Variants in SLC7A2 observed in about 807,000 individuals in gnomAD.
The protein encoded by SLC7A2 is solute carrier family 7 member 2, also known as cationic amino acid transporter 2.
Under a neutral mutation model 58.9 loss-of-function variants are expected in SLC7A2, and 48 were observed. The observed-to-expected ratio is 0.82, with a 90% CI of 0.65 to 1.04. The LOEUF (loss-of-function observed/expected upper bound fraction) is 1.04, where lower values mean the gene tolerates loss of function less well. SLC7A2 is among the 50% of genes least tolerant of loss of function. The pLI is 0.00. For synonymous variants in SLC7A2, 363 were observed against 314.5 expected (o/e 1.15, Z -1.63); for missense variants, 1,029 against 818.8 (o/e 1.26, Z -3.13).
chr8:17,509,680 C>T lies in SLC7A2; in HGVS notation c.-23+7378C>T, dbSNP rs373480776. The stretch of plus-strand genomic sequence containing the variant: ...CATTTTTATTTTTATTTTTTCGCCT[C>T]CAACAAAGTGATGTATGCAGAACAA... On this transcript the variant is annotated intron_variant, in intron 2 of 12. Coordinates refer to ENST00000494857, the MANE Select transcript of SLC7A2 (RefSeq NM_001370338.1). Among the ~76,000 whole-genome samples the T allele has an allele frequency of 2.6e-5, 4 of 152,036 alleles. No individual in the cohort carries two copies. In the East Asian group the frequency reaches 5.8e-4, roughly 22 times the overall value.
At position 17,503,060 on chromosome 8, in the gene SLC7A2, A is replaced by T. The variant is rs545463278; in HGVS notation, c.-23+758A>T. Among the ~76,000 whole-genome samples the T allele has an allele frequency of 1.2e-3, 184 of 151,408 alleles. 1 individual carries two copies. The highest frequency in any genetic ancestry group is 3.8e-3 in the African/African-American group (157 of 41,298). Reference sequence around the variant, plus strand: ...TCTCTATTTCTATTTATTTTATTTTATTTTTTTTGAGACAGAGTCTCACTC... The same window carrying T: ...TCTCTATTTCTATTTATTTTATTTTTTTTTTTTTGAGACAGAGTCTCACTC... On this transcript the variant is annotated intron_variant, in intron 2 of 12. Transcript: ENST00000494857.
intron 2 of SLC7A2, among the ~76,000 whole-genome samples, chr8:17,539,277 A>G (rs1458328956): frequency 1.3e-5 from 2 of 152,100 alleles, no homozygotes; most frequent in African/African-American, 4.8e-5. Flanking sequence ...ATTAATAGGG[A>G]CTTATCAAGG....
At chr8:17,537,512 C>T (rs1801723008) in intron 2 of SLC7A2, among the ~76,000 whole-genome samples, 1 of 152,168 alleles carries the variant, frequency 6.6e-6, no homozygotes, top group Admixed American at 6.5e-5. Context: ...CAGCCTTTGA[C>T]TGTTTAACCC....
At chr8:17,539,935 G>A (rs1467145873) in intron 2 of SLC7A2, among the ~76,000 whole-genome samples, 1 of 152,068 alleles carries the variant, frequency 6.6e-6, no homozygotes, top group African/African-American at 2.4e-5. Flanking sequence ...CATATGGGGA[G>A]CTTATCTTTT....
At chr8:17,538,589 A>G (rs1801772632) in intron 2 of SLC7A2, among the ~76,000 whole-genome samples, 1 of 152,244 alleles carries the variant, frequency 6.6e-6, no homozygotes, top group East Asian at 1.9e-4. Context: ...CCATGGTATC[A>G]TGGCTATATC....
chr8:17,554,335 T>C (rs1215706487), intron 7 of SLC7A2, among the ~76,000 whole-genome samples: 2 of 152,188 alleles, frequency 1.3e-5, no homozygotes, highest in Non-Finnish European at 2.9e-5. Context: ...TGCTGCGTAC[T>C]TATCTGTAAC....
At chr8:17,554,855 A>G (rs2150763871) in intron 8 of SLC7A2, 156 bp downstream of exon 8, 1 of 1,490,852 alleles carries the variant, frequency 6.7e-7, no homozygotes. Flanking sequence ...TTGGTTCTGC[A>G]TTTTCGTGTG....
intron 2 of SLC7A2, among the ~76,000 whole-genome samples, chr8:17,537,363 GCTT>G (rs1272096392): frequency 6.6e-6 from 1 of 152,136 alleles, no homozygotes; most frequent in Non-Finnish European, 1.5e-5. Flanking sequence ...ACCCTGTGTG[GCTT>G]CTACTGCCAG....
chr8:17,553,513 G>A (rs945020059), intron 7 of SLC7A2, among the ~76,000 whole-genome samples: 1 of 152,200 alleles, frequency 6.6e-6, no homozygotes, highest in African/African-American at 2.4e-5. Context: ...GTTCACTCTT[G>A]TAGTCCCAGC....
chr8:17,530,005 A>G (rs921625433), intron 2 of SLC7A2, among the ~76,000 whole-genome samples: 4 of 152,034 alleles, frequency 2.6e-5, no homozygotes, highest in Admixed American at 6.6e-5. Flanking sequence ...AGGAGACCCC[A>G]TTTGCATTCA....
intron 2 of SLC7A2, among the ~76,000 whole-genome samples, chr8:17,533,126 C>G (rs1234952950): frequency 1.3e-5 from 2 of 152,136 alleles, no homozygotes; most frequent in African/African-American, 4.8e-5. Context: ...ATTGCTTTCT[C>G]TGAGCACACA....
chr8:17,550,190 T>C, intron 5 of SLC7A2, 111 bp from the exon 6 acceptor site: 1 of 984,680 alleles, frequency 1.0e-6, no homozygotes. Flanking sequence ...TATATCATCT[T>C]CAAAGAGCTA....
intron 2 of SLC7A2, among the ~76,000 whole-genome samples, chr8:17,539,482 C>A (rs980206662): frequency 6.6e-6 from 1 of 152,120 alleles, no homozygotes; most frequent in African/African-American, 2.4e-5. Flanking sequence ...ACATATTTAT[C>A]TTCCTCAAGA....
At chr8:17,527,532 G>A (rs1446850428) in intron 2 of SLC7A2, among the ~76,000 whole-genome samples, 2 of 152,164 alleles carry the variant, frequency 1.3e-5, no homozygotes, top group Non-Finnish European at 1.5e-5. Flanking sequence ...TTACAGTTCT[G>A]GAAACTTGAA....
At chr8:17,499,934 C>CT (rs1360293103) in intron 1 of SLC7A2, 1 of 152,104 alleles carries the variant, frequency 6.6e-6, no homozygotes, top group Non-Finnish European at 1.5e-5. Context: ...ATAACACATG[C>CT]TTATATGTCT....
intron 2 of SLC7A2, among the ~76,000 whole-genome samples, chr8:17,536,290 T>C (rs1412421155): frequency 1.3e-5 from 2 of 151,942 alleles, no homozygotes; most frequent in Admixed American, 6.6e-5. Flanking sequence ...TCTGGCCGGG[T>C]GCAGTGGTTC....
chr8:17,507,246 A>G (rs1800406330), intron 2 of SLC7A2, among the ~76,000 whole-genome samples: 1 of 152,150 alleles, frequency 6.6e-6, no homozygotes, highest in Admixed American at 6.6e-5. Context: ...TGTCTGGCCT[A>G]TGTGGAATTT....
intron 2 of SLC7A2, among the ~76,000 whole-genome samples, chr8:17,533,046 G>C (rs188957350): frequency 6.7e-4 from 102 of 152,162 alleles, no homozygotes; most frequent in African/African-American, 2.2e-3. Flanking sequence ...TTTTGTAAAT[G>C]GTTCTTGGTT....
At chr8:17,554,518 C>G in intron 7 of SLC7A2, 42 bp from the exon 8 acceptor site, 3 of 1,498,074 alleles carry the variant, frequency 2.0e-6, no homozygotes, top group Non-Finnish European at 2.7e-6. Flanking sequence ...TGTAATCTTG[C>G]ATGAATGTTT....
Sources: allele counts gnomAD v4.1 joint callset (sites outside exome capture counted in the v4.1 genomes callset), GRCh38; gene constraint gnomAD v4.1.1; transcripts MANE v1.5; gene names NCBI Gene and HGNC (gene_info 2026-07-23, HGNC 2026-07-21).